The following ME1 variants were observed in gnomAD, a reference collection of about 807,000 sequenced individuals.
The protein encoded by ME1 is malic enzyme 1.
In ME1, 74 loss-of-function variants were observed where a neutral mutation model predicts 66.4. That is an observed-to-expected ratio of 1.11 (90% confidence interval 0.92 to 1.35). ME1 has a LOEUF of 1.35. Ranked by LOEUF, ME1 falls within the 40% of genes most tolerant of loss-of-function variation. The probability of loss-of-function intolerance (pLI) is 0.00; values close to 1 mark genes in which losing one functional copy is unlikely to be tolerated. For missense variants in ME1, 750 were observed against 694.1 expected, an observed-to-expected ratio of 1.08 and a Z score of -0.90; for synonymous variants, 251 against 235.6, an observed-to-expected ratio of 1.07 and a Z score of -0.60.
chr6:83,257,700 T>C (rs1408455052), intron 6 of ME1, among the ~76,000 whole-genome samples: 1 of 152,208 alleles, frequency 6.6e-6, no homozygotes, highest in Admixed American at 6.5e-5. Flanking sequence ...TTACAAATTA[T>C]TACATTTTTA....
At chr6:83,290,424 G>A (rs1451857121) in intron 6 of ME1, among the ~76,000 whole-genome samples, 1 of 152,172 alleles carries the variant, frequency 6.6e-6, no homozygotes, top group African/African-American at 2.4e-5. Context: ...CAGTTTCCAT[G>A]TAGTTGTGTG....
At chr6:83,249,325 T>C (rs2128527554) in intron 7 of ME1, among the ~76,000 whole-genome samples, 1 of 152,114 alleles carries the variant, frequency 6.6e-6, no homozygotes, top group East Asian at 1.9e-4. Flanking sequence ...TGCTGAAACC[T>C]CCACCACCCG....
intron 8 of ME1, 89 bp from the exon 9 acceptor site, chr6:83,237,919 G>A: frequency 3.4e-6 from 2 of 589,526 alleles, no homozygotes; most frequent in South Asian, 2.8e-5. Context: ...TTTGTTAGTG[G>A]GAACAAAATA....
At chr6:83,340,930 A>T (rs535246423) in intron 5 of ME1, among the ~76,000 whole-genome samples, 1 of 151,800 alleles carries the variant, frequency 6.6e-6, no homozygotes, top group Admixed American at 6.6e-5. Context: ...TATTCTGTGG[A>T]TGGACTCTGG....
chr6:83,415,279 A>T (rs1463530872), intron 1 of ME1, among the ~76,000 whole-genome samples: 1 of 152,200 alleles, frequency 6.6e-6, no homozygotes, highest in Non-Finnish European at 1.5e-5. Context: ...TTACCAATTA[A>T]TTTACACACG....
chr6:83,365,711 C>T (rs1251674297), intron 3 of ME1, among the ~76,000 whole-genome samples: 1 of 152,106 alleles, frequency 6.6e-6, no homozygotes, highest in Non-Finnish European at 1.5e-5. Flanking sequence ...TTCCCCTGTC[C>T]CTCACTCCCA....
At chr6:83,319,514 C>T (rs1218693303) in intron 5 of ME1, among the ~76,000 whole-genome samples, 2 of 151,974 alleles carry the variant, frequency 1.3e-5, no homozygotes, top group East Asian at 1.9e-4. Flanking sequence ...ATGGCACTAT[C>T]TTGGATTATT....
chr6:83,251,446 A>T (rs1201840057), intron 7 of ME1, among the ~76,000 whole-genome samples: 1 of 151,994 alleles, frequency 6.6e-6, no homozygotes, highest in Non-Finnish European at 1.5e-5. Context: ...GTGAGCCAAG[A>T]TTGCACCACT....
At chr6:83,322,927 G>C (rs1466105524) in intron 5 of ME1, among the ~76,000 whole-genome samples, 1 of 152,198 alleles carries the variant, frequency 6.6e-6, no homozygotes, top group Non-Finnish European at 1.5e-5. Context: ...TATCCACAAA[G>C]GGAAGCCCAT....
At chr6:83,273,773 T>G (rs755160835) in intron 6 of ME1, among the ~76,000 whole-genome samples, 1 of 152,220 alleles carries the variant, frequency 6.6e-6, no homozygotes, top group South Asian at 2.1e-4. Context: ...AAATGAACGT[T>G]ATATGACACC....
intron 3 of ME1, among the ~76,000 whole-genome samples, chr6:83,397,816 T>C (rs754288671): frequency 6.6e-6 from 1 of 152,196 alleles, no homozygotes; most frequent in Non-Finnish European, 1.5e-5. Flanking sequence ...AAAGAAATTC[T>C]GTCATTTGCA....
At chr6:83,320,735 C>A (rs1768154016) in intron 5 of ME1, among the ~76,000 whole-genome samples, 1 of 152,152 alleles carries the variant, frequency 6.6e-6, no homozygotes, top group Non-Finnish European at 1.5e-5. Context: ...TCCCTCCTTT[C>A]CCATGTTAAT....
At chr6:83,397,862 T>C (rs1479169919) in intron 3 of ME1, among the ~76,000 whole-genome samples, 1 of 152,058 alleles carries the variant, frequency 6.6e-6, no homozygotes, top group Non-Finnish European at 1.5e-5. Flanking sequence ...TTACGTTAAG[T>C]GAAATAAGCC....
chr6:83,225,317 T>C (rs1460690745), intron 11 of ME1, among the ~76,000 whole-genome samples: 1 of 151,482 alleles, frequency 6.6e-6, no homozygotes, highest in East Asian at 1.9e-4. Context: ...GGACATCTAG[T>C]TGAGAGTATT....
At chr6:83,383,495 G>A (rs1769447218) in intron 3 of ME1, among the ~76,000 whole-genome samples, 1 of 151,770 alleles carries the variant, frequency 6.6e-6, no homozygotes, top group Non-Finnish European at 1.5e-5. Flanking sequence ...CTGTTGTTCT[G>A]ATAAACTCCA....
intron 3 of ME1, among the ~76,000 whole-genome samples, chr6:83,361,944 C>A (rs115441842): frequency 0.013 from 2,017 of 152,296 alleles, 34 homozygotes; most frequent in African/African-American, 0.044. Flanking sequence ...CCTGACTTCT[C>A]TTCCCCAGCC....
intron 6 of ME1, among the ~76,000 whole-genome samples, chr6:83,275,026 A>C (rs568807988): frequency 3.3e-5 from 5 of 152,332 alleles, no homozygotes; most frequent in Admixed American, 6.5e-5. Context: ...AAATGGTAAC[A>C]GCAATGTTAA....
intron 1 of ME1, among the ~76,000 whole-genome samples, chr6:83,425,611 T>C (rs933736172): frequency 2.6e-5 from 4 of 152,126 alleles, no homozygotes; most frequent in African/African-American, 9.7e-5. Flanking sequence ...ACCCCCATCA[T>C]TCAATTACCT....
intron 2 of ME1, 75 bp downstream of exon 2, chr6:83,407,693 T>C: frequency 7.3e-7 from 1 of 1,365,808 alleles, no homozygotes; most frequent in Non-Finnish European, 9.7e-7. Context: ...AATGTTTTCA[T>C]TTTCTCACCC....
Sources: gnomAD v4.1 joint callset for allele counts (sites outside exome capture counted in the v4.1 genomes callset) on GRCh38, gnomAD v4.1.1 for gene constraint, MANE v1.5 for transcripts, NCBI Gene and HGNC (gene_info 2026-07-23, HGNC 2026-07-21) for gene names.